RTTN: variants seen among roughly 807,000 people sequenced by gnomAD.
RTTN encodes the protein rotatin.
Under a neutral mutation model 269.2 loss-of-function variants are expected in RTTN, and 182 were observed. That is an observed-to-expected ratio of 0.68 (90% CI 0.60 to 0.76). The LOEUF (loss-of-function observed/expected upper bound fraction) is 0.76. RTTN is among the 30% of genes least tolerant of loss of function. The pLI, the probability that RTTN is intolerant of heterozygous loss-of-function variation, is 0.00. For synonymous variants in RTTN, 1,006 were observed against 963.5 expected (o/e 1.04, Z -0.82); for missense variants, 2,545 against 2,608.6 (o/e 0.98, Z 0.53).
At chr18:70,078,286 A>G (rs2058478346) in intron 32 of RTTN, among the ~76,000 whole-genome samples, 1 of 151,994 alleles carries the variant, frequency 6.6e-6, no homozygotes, top group Non-Finnish European at 1.5e-5. Context: ...CACCAAACAT[A>G]TGGTAACTAA....
chr18:70,184,811 C>T (rs1437723140), intron 10 of RTTN, among the ~76,000 whole-genome samples: 2 of 138,100 alleles, frequency 1.4e-5, no homozygotes, highest in East Asian at 2.3e-4. Context: ...AGGAGAATGG[C>T]GTGAACCTGG....
At chr18:70,107,554 T>C (rs1216129406) in intron 28 of RTTN, among the ~76,000 whole-genome samples, 1 of 152,230 alleles carries the variant, frequency 6.6e-6, no homozygotes, top group Non-Finnish European at 1.5e-5. Flanking sequence ...CATAAGGCCA[T>C]GCTTAGAGGA....
At chr18:70,158,617 G>A (rs200359005) in intron 14 of RTTN, among the ~76,000 whole-genome samples, 30 of 152,146 alleles carry the variant, frequency 2.0e-4, no homozygotes, top group East Asian at 5.8e-4. Context: ...GAACATAAAC[G>A]GGCTAAACAC....
intron 40 of RTTN, among the ~76,000 whole-genome samples, chr18:70,037,173 G>A (rs545601768): frequency 5.9e-4 from 90 of 152,306 alleles, no homozygotes; most frequent in African/African-American, 2.0e-3. Flanking sequence ...TGGGGTCCTA[G>A]GTAAACTTGA....
chr18:70,157,623 T>C (rs1040006136), intron 14 of RTTN, among the ~76,000 whole-genome samples: 2 of 152,036 alleles, frequency 1.3e-5, no homozygotes, highest in East Asian at 3.9e-4. Context: ...CAAACTGAAA[T>C]GGCTAAAATG....
At position 70,135,314 on chromosome 18, in the gene RTTN, T is replaced by C. The variant is rs750650685; in HGVS notation, c.2789-34A>G. 7.4e-6 allele frequency: 9 copies of C among 1,217,530 alleles called. No homozygotes were observed. In the African/African-American group the frequency reaches 8.0e-5, roughly 11 times the overall value. 75.4% of individuals were successfully genotyped at this position (1,217,530 alleles called of 1,614,324 possible). A position where few individuals can be genotyped will look rare whatever the true frequency, so the allele number is the denominator to read the frequency against. ...AAAGAAGCACAACTTTATGAAATAT[T>C]TGTACGTCTAGAAAGAATGAACTTC... On this transcript the variant is annotated intron_variant, in intron 21 of 48. Transcript: ENST00000640769.
chr18:70,061,293 C>T lies in RTTN; in HGVS notation c.4748-1251G>A, dbSNP rs79662155. The T allele has an allele frequency of 2.7e-3, 1,245 of 454,754 alleles. 11 individuals are homozygous for T. Among genetic ancestry groups the T allele is most frequent in the African/African-American group, 0.023 (1,147 of 50,112 alleles). The allele number at this position is 454,754 out of a possible 1,614,324, so 28.2% of individuals were successfully genotyped here. ...CTACATTAGTGAACACCTCCATTAA[C>T]CTTTGAGCATTCCCTTACTTTCTGG... is the stretch of plus-strand genomic sequence containing the variant. On this transcript the variant is annotated intron_variant, in intron 35 of 48. Coordinates refer to ENST00000640769, the MANE Select transcript of RTTN (RefSeq NM_173630.4).
intron 18 of RTTN, among the ~76,000 whole-genome samples, chr18:70,143,974 C>G (rs749510562): frequency 1.3e-5 from 2 of 151,950 alleles, no homozygotes; most frequent in Non-Finnish European, 2.9e-5. Context: ...ATTCTCCTAC[C>G]TCAGCCTCCC....
At chr18:70,198,975 T>C (rs1012723691) in intron 5 of RTTN, among the ~76,000 whole-genome samples, 6 of 152,054 alleles carry the variant, frequency 3.9e-5, no homozygotes, top group African/African-American at 1.4e-4. Flanking sequence ...TCACTTGAGA[T>C]TAAGAGTTGA....
In RTTN at chr18:70,145,726, A is replaced by C. The variant is rs775181680; in HGVS notation, c.2367T>G (p.Ala789=). The C allele has an allele frequency of 5.6e-6, 9 of 1,613,568 alleles. No homozygotes were observed. The highest frequency in any genetic ancestry group is 6.8e-6 in the Non-Finnish European group (8 of 1,179,660). The change falls in exon 18 of 49, where the codon GCT becomes GCG. Residue 789 remains alanine (A), a synonymous_variant. Coordinates refer to ENST00000640769, the MANE Select transcript of RTTN (RefSeq NM_173630.4). ...LAFHLTSEEG[A]DTKRPLIDAR... is the part of the protein sequence containing the mutation. ...CGTCTATTAGAGGACGCTTTGTATC[A>C]GCCCCTTCTTCACTGGTAAGATGGA...
chr18:70,165,962 T>C (rs770267574), intron 14 of RTTN, 100 bp downstream of exon 14: 65 of 1,174,050 alleles, frequency 5.5e-5, no homozygotes, highest in Non-Finnish European at 7.1e-5. Flanking sequence ...ATAGTTCTTA[T>C]ATCTCATACA....
At chr18:70,067,163 A>ATTT (rs71178843) in intron 34 of RTTN, among the ~76,000 whole-genome samples, 5 of 144,808 alleles carry the variant, frequency 3.5e-5, no homozygotes, top group Non-Finnish European at 4.5e-5. Flanking sequence ...AAGCTTGTTT[A>ATTT]TTTTTTTTTT....
intron 11 of RTTN, among the ~76,000 whole-genome samples, chr18:70,174,759 G>A (rs2061243749): frequency 2.0e-5 from 3 of 151,264 alleles, no homozygotes; most frequent in Admixed American, 2.0e-4. Flanking sequence ...AGTGGCTCAC[G>A]CGAGTACTCC....
chr18:70,048,061 ATG>A lies in RTTN; in HGVS notation c.5449_5450del (p.His1817PhefsTer4), dbSNP rs2057542705. The A allele has an allele frequency of 6.2e-7, 1 of 1,614,134 alleles. No homozygotes were observed. Among genetic ancestry groups the A allele is most frequent in the African/African-American group, 1.3e-5 (1 of 75,068 alleles). On this transcript the variant is annotated frameshift_variant, in exon 40 of 49. Transcript: ENST00000640769. LOFTEE classifies it high-confidence loss of function. ...KGHLQAKSKT[H>X]LCCSPTVASL... Reference sequence around the variant, plus strand: ...AAGCCACTGTTGGACTACAGCATAAATGTGTTTTGCTCTTAGCCTGGAGATGC... The same window carrying A: ...AAGCCACTGTTGGACTACAGCATAAATGTTTTGCTCTTAGCCTGGAGATGC...
At chr18:70,158,946 G>A (rs1382092139) in intron 14 of RTTN, among the ~76,000 whole-genome samples, 1 of 152,132 alleles carries the variant, frequency 6.6e-6, no homozygotes, top group Admixed American at 6.6e-5. Context: ...CATAAAACAA[G>A]TTCTTAGAGA....
intron 28 of RTTN, among the ~76,000 whole-genome samples, chr18:70,098,771 C>T (rs563360354): frequency 1.9e-4 from 29 of 152,138 alleles, no homozygotes; most frequent in Admixed American, 3.9e-4. Context: ...TTAGGTATAT[C>T]TCCTGATGCT....
chr18:70,037,850 T>A lies in RTTN; in HGVS notation c.5542-6869A>T, dbSNP rs116092455. Among the ~76,000 whole-genome samples the A allele has an allele frequency of 3.1e-3, 471 of 152,334 alleles. 4 individuals carry two copies. Among genetic ancestry groups the A allele is most frequent in the African/African-American group, 0.011 (452 of 41,582 alleles). ...GGCCGAGCCTCTTGGACAGTATTTC[T>A]GGACCATCTCTGGGCCAGAGGGGAA... On this transcript the variant is annotated intron_variant, in intron 40 of 48. Transcript: ENST00000640769.
chr18:70,145,602 T>A lies in RTTN; in HGVS notation c.2481+10A>T, dbSNP rs771019319. The stretch of plus-strand genomic sequence containing the variant: ...TACCACACAGTAATAAACTCAAAAT[T>A]TATAGTCACCTTAATAACCAGCTCT... On this transcript the variant is annotated intron_variant, in intron 18 of 48. Transcript: ENST00000640769. The A allele has an allele frequency of 6.4e-7, 1 of 1,571,544 alleles. No homozygotes were observed. The highest frequency in any genetic ancestry group is 8.6e-7 in the Non-Finnish European group (1 of 1,163,444).
chr18:70,123,284 A>G (rs2059784455), intron 25 of RTTN, among the ~76,000 whole-genome samples: 1 of 152,132 alleles, frequency 6.6e-6, no homozygotes, highest in African/African-American at 2.4e-5. Flanking sequence ...ACATTGTGGA[A>G]TGATCCAATC....
Sources: gnomAD v4.1 joint callset for allele counts (sites outside exome capture counted in the v4.1 genomes callset) on GRCh38, gnomAD v4.1.1 for gene constraint, MANE v1.5 for transcripts, NCBI Gene and HGNC (gene_info 2026-07-23, HGNC 2026-07-21) for gene names.